The following OLA1 variants were observed in gnomAD, a reference collection of about 807,000 sequenced individuals.
OLA1 encodes obg-like ATPase 1.
OLA1 carries 14 observed loss-of-function variants against 48.4 expected under a neutral mutation model. The ratio of observed to expected loss-of-function variants is 0.29; its 90% CI spans 0.19 to 0.45. The LOEUF (loss-of-function observed/expected upper bound fraction) is 0.45, where lower values mean the gene tolerates loss of function less well. Among genes scored for constraint, OLA1 ranks in the 20% least tolerant of loss-of-function variants. The pLI, the probability that OLA1 is intolerant of heterozygous loss-of-function variation, is 1.00. For synonymous variants in OLA1, 127 were observed against 150.4 expected (o/e 0.84, Z 1.14); for missense variants, 325 against 467.1 (o/e 0.70, Z 2.80).
intron 4 of OLA1, among the ~76,000 whole-genome samples, chr2:174,210,017 A>AT (rs1289859937): frequency 2.0e-5 from 3 of 152,188 alleles, no homozygotes; most frequent in Non-Finnish European, 4.4e-5. Flanking sequence ...AGATGAAAAA[A>AT]TTATATCAAA....
chr2:174,144,029 A>G (rs1456258759), intron 4 of OLA1, among the ~76,000 whole-genome samples: 1 of 152,158 alleles, frequency 6.6e-6, no homozygotes, highest in African/African-American at 2.4e-5. Context: ...GCTTCAGGTC[A>G]GGAGTGAGCT....
intron 7 of OLA1, among the ~76,000 whole-genome samples, chr2:174,108,763 T>A (rs977325568): frequency 6.6e-6 from 1 of 152,182 alleles, no homozygotes; most frequent in African/African-American, 2.4e-5. Flanking sequence ...ATACAAAGAA[T>A]GTCACTTATT....
At chr2:174,121,168 T>C (rs541676069) in intron 7 of OLA1, among the ~76,000 whole-genome samples, 1 of 152,280 alleles carries the variant, frequency 6.6e-6, no homozygotes, top group Non-Finnish European at 1.5e-5. Flanking sequence ...ATTCTGCACT[T>C]TAATACAAAG....
intron 4 of OLA1, among the ~76,000 whole-genome samples, chr2:174,154,535 T>C (rs1686825554): frequency 3.0e-5 from 1 of 32,874 alleles, no homozygotes; most frequent in South Asian, 2.9e-3. Context: ...CCTTAAAATG[T>C]ACAGTTTAGT....
chr2:174,185,536 T>C (rs1457362883), intron 4 of OLA1, among the ~76,000 whole-genome samples: 1 of 152,176 alleles, frequency 6.6e-6, no homozygotes, highest in Admixed American at 6.5e-5. Flanking sequence ...ATTCAACCTA[T>C]ATATTAGTCA....
chr2:174,236,180 T>C lies in OLA1; in HGVS notation c.102-6729A>G, dbSNP rs1346452619. ...TAAGACATGCAAAAAAGCAGAAATATATATACCAAAATCAGGATAAAAGTC... is the reference window on the plus strand; with the variant it reads ...TAAGACATGCAAAAAAGCAGAAATACATATACCAAAATCAGGATAAAAGTC... On this transcript the variant is annotated intron_variant, in intron 2 of 10. Transcript: ENST00000284719. Among the ~76,000 whole-genome samples, 4 of 151,840 alleles carry C rather than the reference T, an allele frequency of 2.6e-5. No individual in the cohort carries two copies. The East Asian group carries it at 7.7e-4, about 29-fold the overall frequency.
At chr2:174,155,376 C>A (rs1201812101) in intron 4 of OLA1, among the ~76,000 whole-genome samples, 2 of 152,182 alleles carry the variant, frequency 1.3e-5, no homozygotes, top group African/African-American at 4.8e-5. Context: ...CTAGATGAAG[C>A]TAAACATGCA....
intron 5 of OLA1, among the ~76,000 whole-genome samples, chr2:174,140,751 G>C (rs1005517369): frequency 6.6e-6 from 1 of 152,038 alleles, no homozygotes; most frequent in African/African-American, 2.4e-5. Context: ...AAACCACAAA[G>C]ACATCAGGCA....
chr2:174,118,514 G>T (rs746202201), intron 7 of OLA1, among the ~76,000 whole-genome samples: 2 of 152,176 alleles, frequency 1.3e-5, no homozygotes, highest in Non-Finnish European at 2.9e-5. Context: ...GTGTGTACAT[G>T]TATAGAGAAT....
rs528929200 is a variant in OLA1 at position 174,136,820 on chromosome 2, T to C, written c.549+5005A>G. The stretch of plus-strand genomic sequence containing the variant: ...TCGAGTAGCTAGGATTACAGGCACA[T>C]GCTGCCACGCCTGGTTAATTTTTTT... On this transcript the variant is annotated intron_variant, in intron 5 of 10. Coordinates refer to ENST00000284719, the MANE Select transcript of OLA1 (RefSeq NM_013341.5). Among the ~76,000 whole-genome samples the C allele has an allele frequency of 7.2e-5, 11 of 151,796 alleles. No individual in the cohort carries two copies. The East Asian group carries it at 2.1e-3, about 29-fold the overall frequency.
chr2:174,245,631 C>T (rs1689109969), intron 2 of OLA1, among the ~76,000 whole-genome samples: 1 of 152,190 alleles, frequency 6.6e-6, no homozygotes, highest in African/African-American at 2.4e-5. Context: ...CAGTGGCTCA[C>T]ACCTGTAATC....
intron 2 of OLA1, chr2:174,240,256 C>G (rs950565044): frequency 1.3e-5 from 2 of 152,142 alleles, no homozygotes; most frequent in African/African-American, 4.8e-5. Context: ...AGTTCACCCT[C>G]CTTAGACAAC....
At chr2:174,156,900 T>C (rs549693933) in intron 4 of OLA1, among the ~76,000 whole-genome samples, 36 of 152,108 alleles carry the variant, frequency 2.4e-4, no homozygotes, top group African/African-American at 8.4e-4. Flanking sequence ...CCACACTCTT[T>C]AAATGATTCT....
intron 4 of OLA1, among the ~76,000 whole-genome samples, chr2:174,168,751 GTATA>G (rs1198480247): frequency 7.5e-6 from 1 of 134,062 alleles, no homozygotes; most frequent in African/African-American, 2.8e-5. Flanking sequence ...AACACAATAT[GTATA>G]TCTATCTATC....
chr2:174,235,361 T>C (rs528527259), intron 2 of OLA1, among the ~76,000 whole-genome samples: 19 of 152,262 alleles, frequency 1.2e-4, no homozygotes, highest in African/African-American at 3.1e-4. Flanking sequence ...TTCTGGAATA[T>C]TGACAAGCAG....
chr2:174,145,238 C>T (rs941604931), intron 4 of OLA1, among the ~76,000 whole-genome samples: 5 of 151,646 alleles, frequency 3.3e-5, no homozygotes, highest in Non-Finnish European at 5.9e-5. Flanking sequence ...TAGAAGAATT[C>T]CTCAGCAATA....
At chr2:174,185,191 G>A (rs894659738) in intron 4 of OLA1, among the ~76,000 whole-genome samples, 1 of 152,072 alleles carries the variant, frequency 6.6e-6, no homozygotes, top group Non-Finnish European at 1.5e-5. Context: ...AGCATAAAAG[G>A]AAAAGAGCAA....
At chr2:174,174,349 T>C (rs766422238) in intron 4 of OLA1, among the ~76,000 whole-genome samples, 1 of 151,984 alleles carries the variant, frequency 6.6e-6, no homozygotes, top group African/African-American at 2.4e-5. Context: ...TGAGTTTATC[T>C]TGGGAATAAC....
chr2:174,123,466 G>A (rs1421066284), intron 6 of OLA1, 129 bp downstream of exon 6: 5 of 632,800 alleles, frequency 7.9e-6, no homozygotes, highest in Non-Finnish European at 1.3e-5. Context: ...ACAAGCCCAG[G>A]AATAAGCAAT....
Sources: allele counts gnomAD v4.1 joint callset (sites outside exome capture counted in the v4.1 genomes callset), GRCh38; gene constraint gnomAD v4.1.1; transcripts MANE v1.5; gene names NCBI Gene and HGNC (gene_info 2026-07-23, HGNC 2026-07-21).